TEAD1: variants seen among roughly 807,000 people sequenced by gnomAD.
The protein encoded by TEAD1 is transcriptional enhancer factor TEF-1.
Under a neutral mutation model 54.9 loss-of-function variants are expected in TEAD1, and 9 were observed. That is an observed-to-expected ratio of 0.16 (90% CI 0.10 to 0.29). TEAD1 has a LOEUF of 0.29. Ranked by LOEUF, TEAD1 falls within the 10% of genes least tolerant of loss-of-function variation. The pLI is 1.00. For synonymous variants in TEAD1, 200 were observed against 187.8 expected, an observed-to-expected ratio of 1.07 and a Z score of -0.53; for missense variants, 387 against 535.9, an observed-to-expected ratio of 0.72 and a Z score of 2.74.
At chr11:12,798,502 C>CT (rs565920788) in intron 3 of TEAD1, among the ~76,000 whole-genome samples, 83 of 152,260 alleles carry the variant, frequency 5.5e-4, no homozygotes, top group African/African-American at 1.9e-3. Flanking sequence ...CTTGATTTCT[C>CT]TTTTTTTACC....
chr11:12,766,136 A>G (rs1407038138), intron 3 of TEAD1, among the ~76,000 whole-genome samples: 2 of 152,222 alleles, frequency 1.3e-5, no homozygotes, highest in African/African-American at 4.8e-5. Context: ...AATGGGGCAT[A>G]ACCACTGCAC....
At chr11:12,803,466 G>A (rs1399359887) in intron 3 of TEAD1, among the ~76,000 whole-genome samples, 2 of 152,202 alleles carry the variant, frequency 1.3e-5, no homozygotes, top group South Asian at 2.1e-4. Flanking sequence ...TGGTAAAATA[G>A]GAAAGGAAAC....
intron 10 of TEAD1, among the ~76,000 whole-genome samples, chr11:12,908,447 T>C (rs1948556786): frequency 6.6e-6 from 1 of 152,252 alleles, no homozygotes; most frequent in African/African-American, 2.4e-5. Context: ...TATCTTTCCA[T>C]GTGGCCCTTG....
intron 10 of TEAD1, among the ~76,000 whole-genome samples, chr11:12,919,979 T>C (rs1948775018): frequency 6.6e-6 from 1 of 152,210 alleles, no homozygotes; most frequent in Non-Finnish European, 1.5e-5. Context: ...GTGCTCCTTG[T>C]TCCAGTGGTT....
At chr11:12,900,326 G>T (rs2134126580) in intron 9 of TEAD1, among the ~76,000 whole-genome samples, 1 of 152,052 alleles carries the variant, frequency 6.6e-6, no homozygotes, top group East Asian at 1.9e-4. Flanking sequence ...CTTCCAAAGT[G>T]CTGATATTAA....
At chr11:12,741,792 C>T (rs563494453) in intron 2 of TEAD1, among the ~76,000 whole-genome samples, 1 of 152,278 alleles carries the variant, frequency 6.6e-6, no homozygotes, top group African/African-American at 2.4e-5. Context: ...AGTTGTGGTT[C>T]TGGGAAAGCA....
intron 3 of TEAD1, among the ~76,000 whole-genome samples, chr11:12,856,956 T>C (rs146164379): frequency 6.6e-6 from 1 of 152,294 alleles, no homozygotes; most frequent in African/African-American, 2.4e-5. Flanking sequence ...GGCTACAATT[T>C]CTAGCCACAG....
intron 3 of TEAD1, among the ~76,000 whole-genome samples, chr11:12,829,337 C>T (rs991854177): frequency 2.0e-5 from 3 of 152,208 alleles, no homozygotes; most frequent in Admixed American, 6.6e-5. Context: ...GTCTCCCTCC[C>T]TCTGTGTAAG....
intron 2 of TEAD1, among the ~76,000 whole-genome samples, chr11:12,732,554 C>T (rs970999486): frequency 6.6e-6 from 1 of 152,088 alleles, no homozygotes; most frequent in South Asian, 2.1e-4. Flanking sequence ...AAAAACTGGC[C>T]AGACCATGGG....
At chr11:12,885,478 C>T (rs766334150) in intron 9 of TEAD1, among the ~76,000 whole-genome samples, 2 of 152,074 alleles carry the variant, frequency 1.3e-5, no homozygotes, top group Non-Finnish European at 2.9e-5. Context: ...ACCTTGTGAT[C>T]TGCCCGCCTA....
chr11:12,867,336 G>T (rs1372831556), intron 5 of TEAD1, among the ~76,000 whole-genome samples: 1 of 152,162 alleles, frequency 6.6e-6, no homozygotes, highest in Non-Finnish European at 1.5e-5. Flanking sequence ...CCTTCACTTG[G>T]CATCCACATT....
chr11:12,714,760 C>T (rs1944018706), intron 2 of TEAD1, among the ~76,000 whole-genome samples: 1 of 152,120 alleles, frequency 6.6e-6, no homozygotes, highest in African/African-American at 2.4e-5. Context: ...TCTTCCGAGG[C>T]CCCTCTTGTT....
At chr11:12,686,562 A>G (rs889744784) in intron 2 of TEAD1, among the ~76,000 whole-genome samples, 2 of 151,914 alleles carry the variant, frequency 1.3e-5, no homozygotes, top group Non-Finnish European at 2.9e-5. Flanking sequence ...TTTTAGTGGT[A>G]TTCTGAAAGG....
At chr11:12,824,913 T>G (rs1946619571) in intron 3 of TEAD1, among the ~76,000 whole-genome samples, 1 of 152,238 alleles carries the variant, frequency 6.6e-6, no homozygotes, top group South Asian at 2.1e-4. Flanking sequence ...CTTCGAGCAT[T>G]CATTACATGA....
At chr11:12,778,196 C>T (rs539231609) in intron 3 of TEAD1, among the ~76,000 whole-genome samples, 32 of 152,210 alleles carry the variant, frequency 2.1e-4, no homozygotes, top group African/African-American at 6.5e-4. Context: ...TGATTGTAAT[C>T]GTTGATTATA....
chr11:12,799,975 G>A (rs1239569992), intron 3 of TEAD1, among the ~76,000 whole-genome samples: 3 of 152,270 alleles, frequency 2.0e-5, no homozygotes, highest in African/African-American at 2.4e-5. Context: ...TTCTTTGATA[G>A]CAAAAGAGTA....
intron 3 of TEAD1, among the ~76,000 whole-genome samples, chr11:12,849,846 T>A (rs990780482): frequency 2.0e-5 from 3 of 152,220 alleles, no homozygotes; most frequent in African/African-American, 7.2e-5. Flanking sequence ...ATTAAAAGAT[T>A]TGTGCCCTCT....
chr11:12,685,965 T>TC (rs1443783424), intron 2 of TEAD1, among the ~76,000 whole-genome samples: 1 of 152,200 alleles, frequency 6.6e-6, no homozygotes, highest in East Asian at 1.9e-4. Context: ...AACCTGGTCT[T>TC]CCTTGTTCCT....
At chr11:12,934,187 T>C (rs893534880) in intron 12 of TEAD1, among the ~76,000 whole-genome samples, 10 of 152,118 alleles carry the variant, frequency 6.6e-5, no homozygotes, top group Non-Finnish European at 1.3e-4. Context: ...CACATATACA[T>C]CATGGAATAC....
Sources: gnomAD v4.1 joint callset for allele counts (sites outside exome capture counted in the v4.1 genomes callset) on GRCh38, gnomAD v4.1.1 for gene constraint, MANE v1.5 for transcripts, NCBI Gene and HGNC (gene_info 2026-07-23, HGNC 2026-07-21) for gene names.